Variants in FNIP1 observed in about 807,000 individuals in gnomAD.
FNIP1 encodes the protein folliculin-interacting protein 1.
FNIP1 carries 40 observed loss-of-function variants against 124.5 expected under a neutral mutation model. The observed-to-expected ratio is 0.32, with a 90% CI of 0.25 to 0.42. FNIP1 has a LOEUF of 0.42. FNIP1 is among the 10% of genes least tolerant of loss of function. The probability of loss-of-function intolerance (pLI) is 1.00; values close to 1 mark genes in which losing one functional copy is unlikely to be tolerated. For synonymous variants in FNIP1, 472 were observed against 470.6 expected (o/e 1.00, Z -0.04); for missense variants, 1,176 against 1,403.7 (o/e 0.84, Z 2.59).
chr5:131,706,486 C>T lies in FNIP1; in HGVS notation c.839G>A (p.Ser280Asn), dbSNP rs1233659297. ...FPSPNSSLTR[S>N]CASSYQRRWR... Reference sequence around the variant, plus strand: ...ACGTCGCTGGTAGCTGCTGGCACAACTTCGGGTAAGTGAGGAGTTTGGGGA... The same window carrying T: ...ACGTCGCTGGTAGCTGCTGGCACAATTTCGGGTAAGTGAGGAGTTTGGGGA... The change falls in exon 9 of 18, where the codon AGT becomes AAT. Residue 280 changes from serine (S) to asparagine (N), a missense_variant. Physicochemically the swap from Ser to Asn is conservative, Grantham distance 46. Around this residue, in one of 2 missense-constraint regions of FNIP1, gnomAD observed 1,109 missense variants for 1,288.5 expected, o/e 0.86. Coordinates refer to ENST00000510461, the MANE Select transcript of FNIP1 (RefSeq NM_133372.3). 1 of 1,613,408 alleles carries T rather than the reference C, an allele frequency of 6.2e-7. No homozygotes were observed. The highest frequency in any genetic ancestry group is 8.5e-7 in the Non-Finnish European group (1 of 1,179,578).
At position 131,742,993 on chromosome 5, in the gene FNIP1, G is replaced by A. The variant is rs116616782; in HGVS notation, c.219+1571C>T. On this transcript the variant is annotated intron_variant, in intron 2 of 17. Transcript: ENST00000510461. ...TGTAGGAAATAAAGGTGAGTAACAG[G>A]ACAATTTTTTACTTTAAGGTTTTTT... Among the ~76,000 whole-genome samples, 800 of 152,202 alleles carry A rather than the reference G, an allele frequency of 5.3e-3. 4 individuals carry two copies. The highest frequency in any genetic ancestry group is 0.019 in the African/African-American group (769 of 41,544).
chr5:131,667,597 GTT>G, intron 15 of FNIP1, among the ~76,000 whole-genome samples: 1 of 151,928 alleles, frequency 6.6e-6, no homozygotes, highest in East Asian at 1.9e-4. Flanking sequence ...TTGTTTGTTT[GTT>G]TGTTTTGAAA....
intron 12 of FNIP1, among the ~76,000 whole-genome samples, 195 bp downstream of exon 12, chr5:131,678,834 C>T (rs910351199): frequency 2.0e-5 from 3 of 152,168 alleles, no homozygotes; most frequent in Admixed American, 2.0e-4. Flanking sequence ...TAATTACAGA[C>T]ATTTTCACTG....
At chr5:131,787,247 A>G (rs1012292378) in intron 1 of FNIP1, among the ~76,000 whole-genome samples, 1 of 152,226 alleles carries the variant, frequency 6.6e-6, no homozygotes, top group African/African-American at 2.4e-5. Context: ...ATCTTGGAGT[A>G]CAGAGTCTTG....
At chr5:131,664,740 ATGTT>A (rs1299334733) in intron 15 of FNIP1, among the ~76,000 whole-genome samples, 4 of 151,560 alleles carry the variant, frequency 2.6e-5, no homozygotes, top group African/African-American at 9.7e-5. Context: ...TTTACACACT[ATGTT>A]AGTATGGGGA....
At chr5:131,731,280 T>C (rs1046438676) in intron 2 of FNIP1, among the ~76,000 whole-genome samples, 1 of 152,230 alleles carries the variant, frequency 6.6e-6, no homozygotes, top group Admixed American at 6.5e-5. Flanking sequence ...GAGAATTTTC[T>C]AGATTACCAC....
At chr5:131,698,071 C>A (rs528542900) in intron 11 of FNIP1, among the ~76,000 whole-genome samples, 1 of 151,874 alleles carries the variant, frequency 6.6e-6, no homozygotes, top group East Asian at 1.9e-4. Context: ...TTCATTTGAT[C>A]CTTATAACAA....
Position 131,644,748 on chromosome 5 carries a change from A to G in FNIP1, c.3438T>C (p.Asp1146=), listed in dbSNP as rs1766817428. ...LGVVLGIESS[D]LPLLAAVAST... The stretch of plus-strand genomic sequence containing the variant: ...TTGCTACAGCAGCCAGAAGTGGAAG[A>G]TCACTGGATTCAATCCTGAAATAAA... The change falls in exon 18 of 18, where the codon GAT becomes GAC. Residue 1146 remains aspartate (D), a synonymous_variant. Transcript: ENST00000510461. 1 of 1,613,966 alleles carries G rather than the reference A, an allele frequency of 6.2e-7. No individual in the cohort carries two copies. Among genetic ancestry groups the G allele is most frequent in the East Asian group, 2.2e-5 (1 of 44,880 alleles).
rs1769198445 is a variant in FNIP1, at chr5:131,708,811, T to C, written c.778+390A>G. On this transcript the variant is annotated intron_variant, in intron 8 of 17. Coordinates refer to ENST00000510461, the MANE Select transcript of FNIP1 (RefSeq NM_133372.3). The stretch of plus-strand genomic sequence containing the variant: ...TTGGAAAAAAAAAAAAAGTATAACA[T>C]TGATTCAAAATGCCTATGCTTTTCT... Among the ~76,000 whole-genome samples the C allele has an allele frequency of 2.0e-5, 3 of 151,996 alleles. No homozygotes were observed. In the South Asian group the frequency reaches 6.2e-4, roughly 31 times the overall value.
chr5:131,744,742 A>G, intron 1 of FNIP1, 52 bp from the exon 2 acceptor site: 2 of 1,449,038 alleles, frequency 1.4e-6, no homozygotes, highest in Non-Finnish European at 1.9e-6. Context: ...ACATTAATAA[A>G]TATTCCATAT....
At chr5:131,660,820 C>T (rs1767407712) in intron 15 of FNIP1, among the ~76,000 whole-genome samples, 1 of 152,196 alleles carries the variant, frequency 6.6e-6, no homozygotes. Context: ...GCAATAGATC[C>T]AGAGGCCAGC....
intron 2 of FNIP1, among the ~76,000 whole-genome samples, chr5:131,738,969 C>T (rs1770414501): frequency 6.6e-6 from 1 of 152,006 alleles, no homozygotes; most frequent in Admixed American, 6.6e-5. Flanking sequence ...ACACTCAGCA[C>T]CACACCCAGC....
At chr5:131,732,230 T>C (rs1261333569) in intron 2 of FNIP1, among the ~76,000 whole-genome samples, 2 of 152,296 alleles carry the variant, frequency 1.3e-5, no homozygotes, top group South Asian at 4.1e-4. Context: ...TTAGAACAAA[T>C]AATCTGACTA....
intron 1 of FNIP1, among the ~76,000 whole-genome samples, chr5:131,765,398 T>C (rs1771386352): frequency 6.6e-6 from 1 of 152,220 alleles, no homozygotes; most frequent in African/African-American, 2.4e-5. Context: ...TCATAAACTG[T>C]TTTCTTTCAG....
At chr5:131,650,108 T>G (rs961448370) in intron 16 of FNIP1, among the ~76,000 whole-genome samples, 3 of 152,154 alleles carry the variant, frequency 2.0e-5, no homozygotes, top group African/African-American at 7.2e-5. Flanking sequence ...TGGGGTCTCT[T>G]GAGATTCTTA....
intron 11 of FNIP1, among the ~76,000 whole-genome samples, chr5:131,681,761 C>CT (rs1768091671): frequency 1.7e-5 from 1 of 58,900 alleles, no homozygotes; most frequent in Non-Finnish European, 4.2e-5. Flanking sequence ...GTGCCAATTT[C>CT]TAAAAAAAAA....
intron 3 of FNIP1, among the ~76,000 whole-genome samples, chr5:131,724,654 T>A (rs1196376859): frequency 6.6e-6 from 1 of 152,198 alleles, no homozygotes; most frequent in East Asian, 1.9e-4. Context: ...ATTCTGCAGG[T>A]TGCCTGTTGA....
intron 13 of FNIP1, among the ~76,000 whole-genome samples, chr5:131,673,811 G>A (rs542433385): frequency 2.2e-4 from 33 of 152,018 alleles, no homozygotes; most frequent in African/African-American, 7.2e-4. Context: ...CGAGATGGGT[G>A]GATCACTTGA....
chr5:131,691,286 ATAT>A (rs1177394788), intron 11 of FNIP1, among the ~76,000 whole-genome samples: 1 of 152,248 alleles, frequency 6.6e-6, no homozygotes, highest in Non-Finnish European at 1.5e-5. Context: ...AAATTTTAAA[ATAT>A]TTTGAACTAA....
Sources: allele counts gnomAD v4.1 joint callset (sites outside exome capture counted in the v4.1 genomes callset), GRCh38; gene constraint gnomAD v4.1.1; regional missense constraint gnomAD v4.1.1; transcripts MANE v1.5; gene names NCBI Gene and HGNC (gene_info 2026-07-23, HGNC 2026-07-21).